The following DTX4 variants were observed in gnomAD, a reference collection of about 807,000 sequenced individuals.
DTX4 encodes the protein deltex E3 ubiquitin ligase 4, also known as E3 ubiquitin-protein ligase DTX4.
In DTX4, 28 loss-of-function variants were observed where a neutral mutation model predicts 57.6. The observed-to-expected ratio is 0.49, with a 90% CI of 0.36 to 0.67. The LOEUF (loss-of-function observed/expected upper bound fraction) is 0.67, where lower values mean the gene tolerates loss of function less well. DTX4 is among the 30% of genes least tolerant of loss of function. The probability of loss-of-function intolerance (pLI) is 0.00; values close to 1 mark genes in which losing one functional copy is unlikely to be tolerated. For synonymous variants in DTX4, 316 were observed against 331.0 expected (o/e 0.95, Z 0.49); for missense variants, 715 against 836.8 (o/e 0.85, Z 1.80).
chr11:59,182,305 A>G lies in DTX4; in HGVS notation c.778A>G (p.Arg260Gly), dbSNP rs911479640. ...GACCGCCCCATCGCAGGTGATCCGG[A>G]GACAAGCCTCCAGCATGCCCACTGG... is the stretch of plus-strand genomic sequence containing the variant. ...LKTAPSQVIR[R>G]QASSMPTGTT... Residue 260 changes from arginine to glycine, a missense_variant, in exon 2 of 9, where the codon AGA becomes GGA. By Grantham distance (125) the Arg-to-Gly change is moderately radical (BLOSUM62 -2). Transcript: ENST00000227451. 5.6e-6 allele frequency: 9 copies of G among 1,612,340 alleles called. No homozygotes were observed. The African/African-American group carries it at 1.2e-4, about 22-fold the overall frequency.
At chr11:59,202,479 A>C (rs964500724) in intron 8 of DTX4, among the ~76,000 whole-genome samples, 1 of 152,244 alleles carries the variant, frequency 6.6e-6, no homozygotes, top group African/African-American at 2.4e-5. Flanking sequence ...AGCAATTGTA[A>C]TTTATCCATG....
In DTX4 at chr11:59,172,664, C is replaced by T. The variant is rs757667026; in HGVS notation, c.69C>T (p.Ser23=). Residue 23 remains serine, a synonymous_variant, in exon 1 of 9, where the codon AGC becomes AGT. Coordinates refer to ENST00000227451, the MANE Select transcript of DTX4 (RefSeq NM_015177.2). ...LNEHGRWRPY[S]PAVSHHIEAV... ...AGCACGGCCGCTGGCGTCCCTACAG[C>T]CCAGCGGTGAGCCACCACATCGAGG... The T allele has an allele frequency of 2.4e-5, 39 of 1,598,990 alleles. No individual in the cohort carries two copies. The Admixed American group carries it at 6.4e-4, about 26-fold the overall frequency.
intron 2 of DTX4, among the ~76,000 whole-genome samples, chr11:59,186,418 G>T (rs1413390920): frequency 6.6e-6 from 1 of 152,170 alleles, no homozygotes; most frequent in Non-Finnish European, 1.5e-5. Flanking sequence ...TGAAGATGGC[G>T]AGGGAGAAGG....
chr11:59,189,041 C>G (rs554626602), intron 3 of DTX4, 121 bp from the exon 4 acceptor site: 1 of 1,255,050 alleles, frequency 8.0e-7, no homozygotes, highest in Non-Finnish European at 1.1e-6. Flanking sequence ...GTAGAGAATC[C>G]AGGAATTATG....
At chr11:59,180,198 C>A (rs1862446161) in intron 1 of DTX4, among the ~76,000 whole-genome samples, 1 of 152,082 alleles carries the variant, frequency 6.6e-6, no homozygotes, top group Admixed American at 6.5e-5. Flanking sequence ...CCCCTATTGG[C>A]CCCAAAGCCC....
intron 2 of DTX4, 108 bp downstream of exon 2, chr11:59,182,570 T>C: frequency 7.2e-7 from 1 of 1,393,890 alleles, no homozygotes; most frequent in East Asian, 2.5e-5. Flanking sequence ...CTTCTCATCT[T>C]GTGCTGACCC....
At chr11:59,173,230 T>TCGC (rs1862351104) in intron 1 of DTX4, among the ~76,000 whole-genome samples, 1 of 152,194 alleles carries the variant, frequency 6.6e-6, no homozygotes, top group South Asian at 2.1e-4. Context: ...CTGTTTTGCT[T>TCGC]CAGGCACGCT....
At chr11:59,187,286 T>C (rs954025658) in intron 2 of DTX4, among the ~76,000 whole-genome samples, 1 of 152,260 alleles carries the variant, frequency 6.6e-6, no homozygotes, top group Non-Finnish European at 1.5e-5. Context: ...CCAAGTTTCC[T>C]TAACCTCTCT....
chr11:59,173,473 T>C (rs1043172485), intron 1 of DTX4, among the ~76,000 whole-genome samples: 1 of 152,086 alleles, frequency 6.6e-6, no homozygotes. Context: ...ACACACTACA[T>C]GCGCGGAAGC....
rs191624140 is a variant in DTX4 at position 59,196,483 on chromosome 11, G to A, written c.1536+1114G>A. ...ACCTCTGAGATGCAACGTAGACAAA[G>A]TGAGAACACAGGCCTTCAAAGTCCA... On this transcript the variant is annotated intron_variant, in intron 7 of 8. Transcript: ENST00000227451. 3.7e-3 allele frequency among the ~76,000 whole-genome samples: 564 copies of A among 152,372 alleles called. 3 individuals are homozygous for A. Among genetic ancestry groups the A allele is most frequent in the African/African-American group, 0.012 (517 of 41,584 alleles).
Position 59,199,674 on chromosome 11 carries a change from C to A in DTX4, c.1537-10C>A, listed in dbSNP as rs1250370760. ...AAAATGCCATTTGCTTGCTTGCTTT[C>A]TGCTTTCAGGGACCGGAACACCCGA... On this transcript the variant is annotated splice_polypyrimidine_tract_variant and intron_variant, in intron 7 of 8. Transcript: ENST00000227451. 1 of 1,566,188 alleles carries A rather than the reference C, an allele frequency of 6.4e-7. No homozygotes were observed. The highest frequency in any genetic ancestry group is 1.9e-5 in the Admixed American group (1 of 53,220).
chr11:59,201,978 G>A (rs1862746140), intron 8 of DTX4, among the ~76,000 whole-genome samples: 1 of 152,170 alleles, frequency 6.6e-6, no homozygotes, highest in South Asian at 2.1e-4. Context: ...TGCACTCACT[G>A]CCTTCCAAAC....
At chr11:59,176,335 A>G (rs1005694199) in intron 1 of DTX4, among the ~76,000 whole-genome samples, 2 of 152,250 alleles carry the variant, frequency 1.3e-5, no homozygotes, top group Non-Finnish European at 2.9e-5. Flanking sequence ...TGAAGAACCT[A>G]TTATTATCCC....
intron 1 of DTX4, among the ~76,000 whole-genome samples, chr11:59,174,732 G>A (rs753812326): frequency 1.3e-5 from 2 of 152,166 alleles, no homozygotes; most frequent in African/African-American, 2.4e-5. Flanking sequence ...AAGAAGCTAC[G>A]TTTCCCAGGT....
intron 1 of DTX4, among the ~76,000 whole-genome samples, chr11:59,175,841 A>G (rs1166684742): frequency 6.6e-6 from 1 of 151,922 alleles, no homozygotes; most frequent in Non-Finnish European, 1.5e-5. Context: ...CTCTCATTCC[A>G]GGCTCACTGT....
intron 3 of DTX4, 150 bp downstream of exon 3, chr11:59,188,946 G>A (rs910296228): frequency 1.1e-6 from 1 of 940,306 alleles, no homozygotes; most frequent in Non-Finnish European, 1.6e-6. Context: ...GGTATGAAGA[G>A]TTTGGAAGAG....
At chr11:59,191,691 G>A (rs530195860) in intron 5 of DTX4, among the ~76,000 whole-genome samples, 1 of 152,340 alleles carries the variant, frequency 6.6e-6, no homozygotes, top group African/African-American at 2.4e-5. Flanking sequence ...TAGAAACCCT[G>A]TTGGACATTT....
intron 4 of DTX4, among the ~76,000 whole-genome samples, chr11:59,190,505 C>G (rs72919148): frequency 1.6e-4 from 24 of 152,236 alleles, no homozygotes; most frequent in Non-Finnish European, 3.2e-4. Flanking sequence ...GTTGGGCTAC[C>G]TTTTAAGAGT....
In DTX4 at chr11:59,172,602, C is replaced by T. The variant is rs1862340756; in HGVS notation, c.7C>T (p.Leu3=). 6 of 1,538,982 alleles carry T rather than the reference C, an allele frequency of 3.9e-6. No homozygotes were observed. The highest frequency in any genetic ancestry group is 2.2e-4 in the Middle Eastern group (1 of 4,464). ...CCGCAGCCCCGGGCTCGCCATGCTCCTGGCCTCGGCCGTGGTGGTCTGGGA... is the reference window on the plus strand; with the variant it reads ...CCGCAGCCCCGGGCTCGCCATGCTCTTGGCCTCGGCCGTGGTGGTCTGGGA... The part of the protein sequence containing the change: ML[L]ASAVVVWEWL... The change falls in exon 1 of 9, where the codon CTG becomes TTG. Residue 3 remains leucine, a synonymous_variant. Coordinates refer to ENST00000227451, the MANE Select transcript of DTX4 (RefSeq NM_015177.2).
Sources: gnomAD v4.1 joint callset for allele counts (sites outside exome capture counted in the v4.1 genomes callset) on GRCh38, gnomAD v4.1.1 for gene constraint, MANE v1.5 for transcripts, NCBI Gene and HGNC (gene_info 2026-07-23, HGNC 2026-07-21) for gene names.